OPCML: variants seen among roughly 807,000 people sequenced by gnomAD.
The protein encoded by OPCML is opioid-binding protein/cell adhesion molecule.
A neutral mutation model predicts 37.8 loss-of-function variants in OPCML; 13 were observed. That is an observed-to-expected ratio of 0.34 (90% confidence interval 0.22 to 0.55). The LOEUF (loss-of-function observed/expected upper bound fraction) is 0.55. OPCML is among the 20% of genes least tolerant of loss of function. OPCML has a pLI of 0.91. For missense variants in OPCML, 341 were observed against 435.6 expected, an observed-to-expected ratio of 0.78 and a Z score of 1.93; for synonymous variants, 176 against 168.8, an observed-to-expected ratio of 1.04 and a Z score of -0.33.
At chr11:133,102,805 C>T (rs759605998) in intron 1 of OPCML, among the ~76,000 whole-genome samples, 22 of 151,972 alleles carry the variant, frequency 1.4e-4, no homozygotes, top group Non-Finnish European at 2.2e-4. Flanking sequence ...AAAACTATGC[C>T]AAATTTGATT....
intron 4 of OPCML, among the ~76,000 whole-genome samples, chr11:132,441,344 AT>A (rs2096034178): frequency 1.3e-5 from 2 of 149,834 alleles, no homozygotes; most frequent in Admixed American, 6.6e-5. Context: ...ATTTTTTTGT[AT>A]TTTTAGTAGA....
chr11:132,771,736 A>C (rs534168432), intron 2 of OPCML: 1 of 152,374 alleles, frequency 6.6e-6, no homozygotes, highest in Non-Finnish European at 1.5e-5. Context: ...GAAAACGCAC[A>C]GCATATAAAC....
intron 1 of OPCML, among the ~76,000 whole-genome samples, chr11:133,411,416 A>G (rs575241316): frequency 6.8e-4 from 104 of 152,232 alleles, no homozygotes; most frequent in African/African-American, 2.2e-3. Context: ...CCTTCCCCTA[A>G]CAGAAGAGGG....
chr11:133,121,201 GA>G (rs1445247188), intron 1 of OPCML, among the ~76,000 whole-genome samples: 3 of 152,172 alleles, frequency 2.0e-5, no homozygotes, highest in African/African-American at 7.2e-5. Flanking sequence ...TTACAGGCAT[GA>G]GCCACTGTTC....
chr11:133,033,872 C>T (rs1947718248), intron 1 of OPCML, among the ~76,000 whole-genome samples: 1 of 151,814 alleles, frequency 6.6e-6, no homozygotes, highest in Admixed American at 6.6e-5. Context: ...ATACGATATC[C>T]CCAACTTAAA....
intron 1 of OPCML, among the ~76,000 whole-genome samples, chr11:133,255,485 A>G (rs545222680): frequency 1.3e-5 from 2 of 152,204 alleles, no homozygotes; most frequent in Non-Finnish European, 2.9e-5. Context: ...TGACTATACC[A>G]TCAAAAACAA....
chr11:132,593,299 A>C (rs574404272), intron 3 of OPCML, among the ~76,000 whole-genome samples: 53 of 152,268 alleles, frequency 3.5e-4, no homozygotes, highest in Middle Eastern at 3.4e-3. Flanking sequence ...GGAGGAGAGC[A>C]GTGGAAGGCG....
At chr11:132,598,044 C>A (rs2096495204) in intron 3 of OPCML, among the ~76,000 whole-genome samples, 1 of 152,042 alleles carries the variant, frequency 6.6e-6, no homozygotes, top group African/African-American at 2.4e-5. Context: ...CTCCAGCAAC[C>A]CTCGCTCCAT....
intron 3 of OPCML, among the ~76,000 whole-genome samples, chr11:132,579,416 T>TGA (rs1555157879): frequency 6.7e-6 from 1 of 148,634 alleles, no homozygotes; most frequent in Non-Finnish European, 1.5e-5. Flanking sequence ...TGTGTGTGTG[T>TGA]GATGAGGGAG....
intron 1 of OPCML, among the ~76,000 whole-genome samples, chr11:133,353,051 T>G (rs992811950): frequency 1.3e-5 from 2 of 152,196 alleles, no homozygotes; most frequent in Admixed American, 6.5e-5. Flanking sequence ...AAATATCTAT[T>G]TCCATATTAA....
In OPCML at chr11:133,530,102, G is replaced by C. The variant is rs541887380; in HGVS notation, c.61+2162C>G. ...CCAGAAGATGGGGGCAGGGGGGTGG[G>C]GGGGATAGCTTGTCATTGTCGTTCA... On this transcript the variant is annotated intron_variant, in intron 1 of 7. Transcript: ENST00000524381. 5.9e-5 allele frequency among the ~76,000 whole-genome samples: 9 copies of C among 152,304 alleles called. No individual in the cohort carries two copies. The East Asian group carries it at 1.7e-3, about 29-fold the overall frequency.
chr11:132,452,768 A>G (rs1194584472), intron 4 of OPCML, among the ~76,000 whole-genome samples: 1 of 152,198 alleles, frequency 6.6e-6, no homozygotes. Flanking sequence ...AGCATTCTGT[A>G]TACTCCAGTG....
intron 1 of OPCML, among the ~76,000 whole-genome samples, chr11:133,241,774 A>G (rs928907295): frequency 1.3e-5 from 2 of 152,212 alleles, no homozygotes; most frequent in African/African-American, 4.8e-5. Context: ...TTCATCTCCC[A>G]TGGTTCACCA....
At chr11:133,025,170 T>C in intron 1 of OPCML, 6 of 525,834 alleles carry the variant, frequency 1.1e-5, no homozygotes, top group Non-Finnish European at 1.5e-5. Context: ...AACCCAATGG[T>C]AAGCATAAAT....
At chr11:133,164,950 C>A (rs971450416) in intron 1 of OPCML, among the ~76,000 whole-genome samples, 1 of 152,190 alleles carries the variant, frequency 6.6e-6, no homozygotes, top group Non-Finnish European at 1.5e-5. Context: ...ATTAGAATAG[C>A]TGGAAAAGCT....
rs184048851 is a variant in OPCML at position 133,480,850 on chromosome 11, G to C, written c.61+51414C>G. Among the ~76,000 whole-genome samples the C allele has an allele frequency of 3.3e-5, 5 of 152,336 alleles. No individual in the cohort carries two copies. In the East Asian group the frequency reaches 9.7e-4, roughly 29 times the overall value. On this transcript the variant is annotated intron_variant, in intron 1 of 7. Transcript: ENST00000524381. ...CTACCATAGAGCTTTGCCTGTAGTTGATACAATACTGAATGGGATGACTGA... is the reference window on the plus strand; with the variant it reads ...CTACCATAGAGCTTTGCCTGTAGTTCATACAATACTGAATGGGATGACTGA...
At chr11:133,329,727 TA>T (rs1291469976) in intron 1 of OPCML, among the ~76,000 whole-genome samples, 1 of 152,124 alleles carries the variant, frequency 6.6e-6, no homozygotes, top group Admixed American at 6.5e-5. Flanking sequence ...CCTAAAACCA[TA>T]AAAAACCTAG....
intron 1 of OPCML, among the ~76,000 whole-genome samples, chr11:132,952,722 G>A (rs995984113): frequency 9.9e-5 from 15 of 152,120 alleles, no homozygotes; most frequent in African/African-American, 3.1e-4. Context: ...CTCTGAGTTT[G>A]TGTACCCTCC....
At chr11:132,592,669 T>C (rs2096486408) in intron 3 of OPCML, among the ~76,000 whole-genome samples, 1 of 152,196 alleles carries the variant, frequency 6.6e-6, no homozygotes, top group Admixed American at 6.5e-5. Flanking sequence ...ACAACCAGGA[T>C]TCGTAGACCA....
Sources: gnomAD v4.1 joint callset for allele counts (sites outside exome capture counted in the v4.1 genomes callset) on GRCh38, gnomAD v4.1.1 for gene constraint, MANE v1.5 for transcripts, NCBI Gene and HGNC (gene_info 2026-07-23, HGNC 2026-07-21) for gene names.